The following PCGF5 variants were observed in gnomAD, a reference collection of about 807,000 sequenced individuals.
PCGF5 encodes polycomb group RING finger protein 5.
In PCGF5, 9 loss-of-function variants were observed where a neutral mutation model predicts 44.3. The observed-to-expected ratio is 0.20, with a 90% CI of 0.12 to 0.35. PCGF5 has a LOEUF of 0.35. PCGF5 is among the 10% of genes least tolerant of loss of function. The probability of loss-of-function intolerance (pLI) is 1.00; values close to 1 mark genes in which losing one functional copy is unlikely to be tolerated. For synonymous variants in PCGF5, 95 were observed against 102.5 expected (o/e 0.93, Z 0.44); for missense variants, 146 against 305.3 (o/e 0.48, Z 3.89).
chr10:91,266,162 G>C (rs1846045085), intron 8 of PCGF5, among the ~76,000 whole-genome samples: 1 of 152,176 alleles, frequency 6.6e-6, no homozygotes, highest in African/African-American at 2.4e-5. Flanking sequence ...ATATTGTGTT[G>C]AATGTAACTT....
chr10:91,187,225 A>G (rs1843942245), intron 1 of PCGF5, among the ~76,000 whole-genome samples: 1 of 152,186 alleles, frequency 6.6e-6, no homozygotes, highest in Non-Finnish European at 1.5e-5. Context: ...ATGGGGCCTC[A>G]GCATGATATA....
At chr10:91,248,246 T>C (rs1158727272) in intron 3 of PCGF5, among the ~76,000 whole-genome samples, 3 of 152,104 alleles carry the variant, frequency 2.0e-5, no homozygotes, top group Non-Finnish European at 4.4e-5. Context: ...CCATCCTTAG[T>C]CAAGGGAGGA....
rs1415516018 is a variant in PCGF5, at chr10:91,282,702, G to A, written c.*4386G>A. 6.6e-6 allele frequency: 1 copy of A among 152,442 alleles called. No individual in the cohort carries two copies. 9.4% of individuals were successfully genotyped at this position (152,442 alleles called of 1,614,324 possible). A position where few individuals can be genotyped will look rare whatever the true frequency, so the allele number is the denominator to read the frequency against. ...ATGGAGTCTTTCTGATAGGTCACTA[G>A]GTAAAACTCCTTGGATAGGGTGAAA... On this transcript the variant is annotated 3_prime_UTR_variant, in exon 10 of 10. Coordinates refer to ENST00000336126, the MANE Select transcript of PCGF5 (RefSeq NM_032373.5).
chr10:91,166,859 G>A (rs1365173831), intron 1 of PCGF5, among the ~76,000 whole-genome samples: 1 of 152,200 alleles, frequency 6.6e-6, no homozygotes, highest in Non-Finnish European at 1.5e-5. Flanking sequence ...AATGTGTGTG[G>A]TGTATAAAAG....
intron 2 of PCGF5, chr10:91,227,260 T>C: frequency 2.2e-6 from 1 of 458,504 alleles, no homozygotes; most frequent in East Asian, 6.9e-5. Context: ...CTGTGTGAAC[T>C]CATGTATTCT....
At chr10:91,202,534 G>A (rs1844271504) in intron 1 of PCGF5, among the ~76,000 whole-genome samples, 1 of 152,178 alleles carries the variant, frequency 6.6e-6, no homozygotes, top group Non-Finnish European at 1.5e-5. Context: ...CACATAGTGA[G>A]TAGTCATTGC....
rs1846184584 is a variant in PCGF5 at position 91,271,655 on chromosome 10, C to T, written c.681C>T (p.Cys227=). The T allele has an allele frequency of 6.2e-7, 1 of 1,613,772 alleles. No individual in the cohort carries two copies. Among genetic ancestry groups the T allele is most frequent in the African/African-American group, 1.3e-5 (1 of 74,870 alleles). The change falls in exon 9 of 10, where the codon TGC becomes TGT. Residue 227 remains cysteine (C), a synonymous_variant. Transcript: ENST00000336126. The part of the protein sequence containing the change: ...LRGENFRCLN[C]SASQVCSQDG... ...CTCCGCAGTTTCGGTGTCTGAACTGCTCAGCTTCGCAAGTCTGCTCTCAGG... is the reference window on the plus strand; with the variant it reads ...CTCCGCAGTTTCGGTGTCTGAACTGTTCAGCTTCGCAAGTCTGCTCTCAGG...
At chr10:91,218,720 C>T (rs1390757745), upstream of PCGF5, among the ~76,000 whole-genome samples, 1 of 151,996 alleles carries the variant, frequency 6.6e-6, no homozygotes, top group Non-Finnish European at 1.5e-5. Context: ...GCAACTTCCA[C>T]CTCCTAGGTT....
intron 2 of PCGF5, 142 bp downstream of exon 2, chr10:91,223,125 A>G: frequency 1.6e-6 from 1 of 643,308 alleles, no homozygotes; most frequent in South Asian, 2.0e-5. Context: ...TTGAATTTTC[A>G]GAATATTTGT....
chr10:91,230,756 G>A (rs766697056), intron 2 of PCGF5, among the ~76,000 whole-genome samples: 7 of 152,094 alleles, frequency 4.6e-5, no homozygotes, highest in Non-Finnish European at 7.3e-5. Context: ...GAGTAGCTGT[G>A]TTACAGGTGT....
rs1247826928 is a variant in PCGF5 at position 91,176,882 on chromosome 10, G to GTCTGAAGCCTTCTT, written c.-184+13802_-184+13815dup. Among the ~76,000 whole-genome samples the GTCTGAAGCCTTCTT allele has an allele frequency of 2.0e-5, 3 of 149,718 alleles. No homozygotes were observed. In the East Asian group the frequency reaches 5.8e-4, roughly 29 times the overall value. On this transcript the variant is annotated intron_variant, in intron 1 of 9. Coordinates refer to the PCGF5 transcript ENST00000614189. ...TCCTTTAGCTTGGAGAAGTTTGATC[G>GTCTGAAGCCTTCTT]TCTGAAGCCTTCTTCTCTCAACTCA...
intron 1 of PCGF5, among the ~76,000 whole-genome samples, chr10:91,201,275 G>A (rs1421343282): frequency 1.3e-5 from 2 of 152,126 alleles, no homozygotes; most frequent in African/African-American, 4.8e-5. Flanking sequence ...TCTGAGCTGG[G>A]CATCACATGG....
Position 91,222,736 on chromosome 10 carries a change from T to C in PCGF5, c.-136T>C, listed in dbSNP as rs1421907287. The C allele has an allele frequency of 3.7e-6, 2 of 537,724 alleles. No homozygotes were observed. The highest frequency in any genetic ancestry group is 3.0e-5 in the East Asian group (1 of 33,164). The allele number at this position is 537,724 out of a possible 1,614,324, so 33.3% of individuals were successfully genotyped here. On this transcript the variant is annotated 5_prime_UTR_variant, in exon 2 of 10. It removes an upstream start codon present in the reference 5' UTR. Transcript: ENST00000336126. ...AAAGGAGTGATGATCAACGATCTCA[T>C]GATAAATCTGGATGCTAGTTCTCAT...
At chr10:91,240,179 T>C (rs1845286209) in intron 2 of PCGF5, among the ~76,000 whole-genome samples, 1 of 152,254 alleles carries the variant, frequency 6.6e-6, no homozygotes, top group African/African-American at 2.4e-5. Context: ...GAGAAGAACC[T>C]ATTTTATGTA....
At chr10:91,241,601 C>T (rs901335068) in intron 3 of PCGF5, among the ~76,000 whole-genome samples, 1 of 151,506 alleles carries the variant, frequency 6.6e-6, no homozygotes, top group East Asian at 1.9e-4. Flanking sequence ...AGAAACTACT[C>T]GTCTAGAATC....
At chr10:91,226,289 TAAAAA>T (rs66465569) in intron 2 of PCGF5, among the ~76,000 whole-genome samples, 22 of 75,142 alleles carry the variant, frequency 2.9e-4, no homozygotes, top group Middle Eastern at 0.013. Context: ...TTAAGAAATG[TAAAAA>T]AAAAAAAAAA....
chr10:91,194,555 A>G (rs898266027), intron 1 of PCGF5, among the ~76,000 whole-genome samples: 5 of 152,222 alleles, frequency 3.3e-5, no homozygotes, highest in Admixed American at 1.3e-4. Flanking sequence ...CTGCAGAGCT[A>G]TAAGATAATA....
intron 3 of PCGF5, among the ~76,000 whole-genome samples, chr10:91,245,835 G>A (rs2133363397): frequency 6.6e-6 from 1 of 152,286 alleles, no homozygotes; most frequent in African/African-American, 2.4e-5. Context: ...AAGGGATTTG[G>A]AGAGTTAGGG....
chr10:91,196,744 T>C (rs2133224938), intron 1 of PCGF5, among the ~76,000 whole-genome samples: 1 of 152,280 alleles, frequency 6.6e-6, no homozygotes, highest in Middle Eastern at 3.4e-3. Flanking sequence ...GACAATAGTA[T>C]CCCCAGCACT....
Sources: gnomAD v4.1 joint callset for allele counts (sites outside exome capture counted in the v4.1 genomes callset) on GRCh38, gnomAD v4.1.1 for gene constraint, MANE v1.5 for transcripts, NCBI Gene and HGNC (gene_info 2026-07-23, HGNC 2026-07-21) for gene names.